IKBKB: variants seen among roughly 807,000 people sequenced by gnomAD.
IKBKB encodes the protein inhibitor of nuclear factor kappa-B kinase subunit beta.
In IKBKB, 42 loss-of-function variants were observed where a neutral mutation model predicts 113.6. That is an observed-to-expected ratio of 0.37 (90% CI 0.29 to 0.48). The LOEUF is 0.48. IKBKB is among the 20% of genes least tolerant of loss of function. The probability of loss-of-function intolerance (pLI) is 0.99; values close to 1 mark genes in which losing one functional copy is unlikely to be tolerated. For synonymous variants in IKBKB, 296 were observed against 361.3 expected (o/e 0.82, Z 2.05); for missense variants, 673 against 939.7 (o/e 0.72, Z 3.71).
At chr8:42,304,629 T>C (rs1816132009) in intron 5 of IKBKB, among the ~76,000 whole-genome samples, 1 of 152,214 alleles carries the variant, frequency 6.6e-6, no homozygotes, top group African/African-American at 2.4e-5. Context: ...TGTTCTCCTC[T>C]TCTGCCTCCC....
intron 13 of IKBKB, 185 bp downstream of exon 13, chr8:42,318,860 G>A: frequency 3.3e-6 from 2 of 597,184 alleles, no homozygotes; most frequent in Admixed American, 3.1e-5. Context: ...TTTAGACCTG[G>A]CGAGGTGAGT....
At chr8:42,317,966 A>T (rs1474951848) in intron 12 of IKBKB, among the ~76,000 whole-genome samples, 195 bp downstream of exon 12, 1 of 152,064 alleles carries the variant, frequency 6.6e-6, no homozygotes, top group Non-Finnish European at 1.5e-5. Flanking sequence ...CCATTAGTTA[A>T]TTTCAACCTC....
chr8:42,283,206 C>G (rs1007605878), intron 2 of IKBKB, among the ~76,000 whole-genome samples: 2 of 152,160 alleles, frequency 1.3e-5, no homozygotes, highest in Non-Finnish European at 2.9e-5. Flanking sequence ...TGTAGCTAGA[C>G]AGATTACCTA....
intron 12 of IKBKB, among the ~76,000 whole-genome samples, chr8:42,318,024 G>A (rs1819020470): frequency 6.6e-6 from 1 of 152,128 alleles, no homozygotes; most frequent in Non-Finnish European, 1.5e-5. Flanking sequence ...CACTTTGGGA[G>A]GCTGAGGCAG....
intron 2 of IKBKB, among the ~76,000 whole-genome samples, chr8:42,288,098 T>A (rs1389317518): frequency 6.6e-6 from 1 of 151,614 alleles, no homozygotes; most frequent in African/African-American, 2.4e-5. Context: ...AGAAATGAGG[T>A]GGGAGAGGCT....
At chr8:42,280,682 A>G (rs891125004) in intron 2 of IKBKB, among the ~76,000 whole-genome samples, 2 of 152,070 alleles carry the variant, frequency 1.3e-5, no homozygotes, top group Non-Finnish European at 2.9e-5. Flanking sequence ...TTGTGATATC[A>G]TCATGTTCTG....
chr8:42,271,854 C>T (rs1282835341), intron 1 of IKBKB: 2 of 570,402 alleles, frequency 3.5e-6, no homozygotes, highest in African/African-American at 3.8e-5. Flanking sequence ...CGGTGACTTT[C>T]TTCCTTGCCT....
chr8:42,307,984 C>T (rs1816875227), intron 7 of IKBKB, among the ~76,000 whole-genome samples: 1 of 152,240 alleles, frequency 6.6e-6, no homozygotes, highest in South Asian at 2.1e-4. Context: ...GCACCCCCAG[C>T]ACCCCGTGCT....
intron 15 of IKBKB, 138 bp downstream of exon 15, chr8:42,319,784 A>T: frequency 1.3e-6 from 1 of 747,076 alleles, no homozygotes. Context: ...GCTTAACTGG[A>T]CCAGCTGAAA....
intron 6 of IKBKB, among the ~76,000 whole-genome samples, chr8:42,305,665 C>T (rs1469447232): frequency 6.6e-6 from 1 of 152,222 alleles, no homozygotes; most frequent in Non-Finnish European, 1.5e-5. Context: ...TGGGAAGAGG[C>T]ACTGGGAGCT....
At chr8:42,297,281 C>T (rs1215219996) in intron 5 of IKBKB, among the ~76,000 whole-genome samples, 1 of 152,196 alleles carries the variant, frequency 6.6e-6, no homozygotes, top group Non-Finnish European at 1.5e-5. Context: ...TCTAACATAG[C>T]TCTTTTGTAT....
At position 42,331,680 on chromosome 8, in the gene IKBKB, C is replaced by A; in HGVS notation, c.*701C>A. Reference sequence around the variant, plus strand: ...AGCTCTCCATCTGTGGTCCTTTCTGCCAAGAGCGACTCATAGTAACCAGGA... The same window carrying A: ...AGCTCTCCATCTGTGGTCCTTTCTGACAAGAGCGACTCATAGTAACCAGGA... On this transcript the variant is annotated 3_prime_UTR_variant, in exon 22 of 22. Coordinates refer to ENST00000520810, the MANE Select transcript of IKBKB (RefSeq NM_001556.3). The A allele has an allele frequency of 2.1e-6, 1 of 483,744 alleles. No individual in the cohort carries two copies. Among genetic ancestry groups the A allele is most frequent in the South Asian group, 2.2e-5 (1 of 45,918 alleles). 30.0% of individuals were successfully genotyped at this position (483,744 alleles called of 1,614,324 possible).
intron 5 of IKBKB, among the ~76,000 whole-genome samples, chr8:42,296,049 C>G (rs1563321533): frequency 1.3e-5 from 2 of 152,204 alleles, no homozygotes; most frequent in African/African-American, 4.8e-5. Context: ...GTTGCTGATT[C>G]TCTGTCTGTC....
chr8:42,299,032 T>C (rs1020760650), intron 5 of IKBKB, among the ~76,000 whole-genome samples: 1 of 152,208 alleles, frequency 6.6e-6, no homozygotes, highest in Non-Finnish European at 1.5e-5. Context: ...TCCCAGAATC[T>C]GGAATTCAAC....
At chr8:42,327,026 C>G (rs533646873) in intron 20 of IKBKB, among the ~76,000 whole-genome samples, 1 of 152,264 alleles carries the variant, frequency 6.6e-6, no homozygotes, top group South Asian at 2.1e-4. Flanking sequence ...CATTCTGAAA[C>G]TAGATATGGT....
intron 5 of IKBKB, among the ~76,000 whole-genome samples, chr8:42,300,374 A>G (rs1814926877): frequency 6.6e-6 from 1 of 152,110 alleles, no homozygotes; most frequent in Admixed American, 6.5e-5. Flanking sequence ...TCTAACCTCT[A>G]TCTCAGCCTT....
chr8:42,284,506 C>T (rs1335519458), intron 2 of IKBKB, among the ~76,000 whole-genome samples: 17 of 151,138 alleles, frequency 1.1e-4, no homozygotes, highest in South Asian at 4.2e-4. Context: ...GGCGTGAACC[C>T]GGGAGGCGGA....
At chr8:42,289,648 T>C (rs148934647) in intron 3 of IKBKB, among the ~76,000 whole-genome samples, 2,766 of 152,234 alleles carry the variant, frequency 0.018, 71 homozygotes, top group African/African-American at 0.063. Flanking sequence ...GGAGGTGCTA[T>C]TTGGTTATGT....
At chr8:42,300,891 G>A (rs1815059420) in intron 5 of IKBKB, among the ~76,000 whole-genome samples, 1 of 152,206 alleles carries the variant, frequency 6.6e-6, no homozygotes, top group Non-Finnish European at 1.5e-5. Context: ...GTCTTGCTCT[G>A]TTGTCCGGGC....
Sources: allele counts gnomAD v4.1 joint callset (sites outside exome capture counted in the v4.1 genomes callset), GRCh38; gene constraint gnomAD v4.1.1; transcripts MANE v1.5; gene names NCBI Gene and HGNC (gene_info 2026-07-23, HGNC 2026-07-21).